Variants in AK9 observed in about 807,000 individuals in gnomAD.
AK9 encodes adenylate kinase 9.
Under a neutral mutation model 239.6 loss-of-function variants are expected in AK9, and 191 were observed. That is an observed-to-expected ratio of 0.80 (90% CI 0.71 to 0.90). AK9 has a LOEUF of 0.90. Ranked by LOEUF, AK9 falls within the 40% of genes least tolerant of loss-of-function variation. The pLI, the probability that AK9 is intolerant of heterozygous loss-of-function variation, is 0.00. For missense variants in AK9, 1,995 were observed against 2,214.7 expected (o/e 0.90, Z 1.99); for synonymous variants, 689 against 721.0 (o/e 0.96, Z 0.71).
In AK9 at chr6:109,619,119, G is replaced by T. The variant is rs749464829; in HGVS notation, c.1372C>A (p.Leu458Ile). The T allele has an allele frequency of 6.5e-7, 1 of 1,545,156 alleles. No homozygotes were observed. Among genetic ancestry groups the T allele is most frequent in the South Asian group, 1.2e-5 (1 of 82,786 alleles). Residue 458 changes from leucine to isoleucine, a missense_variant, in exon 13 of 41, where the codon CTC (leucine) becomes ATC (isoleucine). Physicochemically the swap from Leu to Ile is conservative, Grantham distance 5. Coordinates refer to ENST00000424296, the MANE Select transcript of AK9 (RefSeq NM_001145128.3). ...AAIKVVKEKL[L>I]RELQARKQAE... ...TGTTTTCTAGCTTGCAGTTCCCTGA[G>T]AAGCTTTTCTTTCACAACTTTAATT...
At chr6:109,659,769 C>T (rs936442340) in intron 6 of AK9, among the ~76,000 whole-genome samples, 2 of 151,946 alleles carry the variant, frequency 1.3e-5, no homozygotes, top group Admixed American at 6.6e-5. Context: ...GAAAAGTTTA[C>T]GAATGGAGCA....
At chr6:109,605,538 T>G (rs1792734154) in intron 17 of AK9, among the ~76,000 whole-genome samples, 1 of 152,174 alleles carries the variant, frequency 6.6e-6, no homozygotes. Flanking sequence ...GATGTCTTTC[T>G]GATTTCAATT....
chr6:109,605,104 C>G (rs1433930000), intron 17 of AK9, among the ~76,000 whole-genome samples: 6 of 152,018 alleles, frequency 3.9e-5, no homozygotes, highest in Admixed American at 2.6e-4. Flanking sequence ...TATTATGTTT[C>G]AAGGCATTGT....
intron 35 of AK9, among the ~76,000 whole-genome samples, chr6:109,499,932 G>T (rs1410411498): frequency 6.6e-6 from 1 of 151,814 alleles, no homozygotes; most frequent in Non-Finnish European, 1.5e-5. Context: ...TCGATGCATA[G>T]TATTCCACTG....
At chr6:109,573,708 G>A (rs1004828445) in intron 20 of AK9, 114 bp from the exon 21 acceptor site, 1 of 1,002,522 alleles carries the variant, frequency 1.0e-6, no homozygotes, top group Admixed American at 2.9e-5. Context: ...TGCCCTCCTA[G>A]AGTATGTAGT....
intron 19 of AK9, among the ~76,000 whole-genome samples, chr6:109,580,183 G>GA (rs375072619): frequency 2.8e-4 from 43 of 151,746 alleles, no homozygotes; most frequent in African/African-American, 9.7e-4. Flanking sequence ...TTTCTAATAA[G>GA]AAAAAAACCC....
At chr6:109,662,511 G>A in intron 6 of AK9, 40 bp downstream of exon 6, 1 of 1,376,008 alleles carries the variant, frequency 7.3e-7, no homozygotes, top group Non-Finnish European at 9.6e-7. Context: ...CTATCAAAAA[G>A]AATGGTTTAC....
chr6:109,646,996 A>G (rs1798150988), intron 8 of AK9, among the ~76,000 whole-genome samples: 1 of 152,250 alleles, frequency 6.6e-6, no homozygotes, highest in Non-Finnish European at 1.5e-5. Flanking sequence ...ACTAAGCTTC[A>G]TAACTGAAGG....
intron 32 of AK9, among the ~76,000 whole-genome samples, chr6:109,512,894 C>T (rs1778899298): frequency 6.6e-6 from 1 of 152,208 alleles, no homozygotes. Context: ...GACAGGCTCT[C>T]ACTCTGTTGC....
At chr6:109,536,253 T>C (rs1349515681) in intron 27 of AK9, among the ~76,000 whole-genome samples, 1 of 152,216 alleles carries the variant, frequency 6.6e-6, no homozygotes, top group Non-Finnish European at 1.5e-5. Context: ...GGAATGTTCT[T>C]CCATTTGTTT....
chr6:109,627,601 T>C (rs1795693895), intron 12 of AK9, among the ~76,000 whole-genome samples: 1 of 152,198 alleles, frequency 6.6e-6, no homozygotes, highest in African/African-American at 2.4e-5. Context: ...TATAATCTTA[T>C]GGGACCACTG....
At chr6:109,627,252 C>T (rs1180113360) in intron 12 of AK9, among the ~76,000 whole-genome samples, 1 of 148,238 alleles carries the variant, frequency 6.7e-6, no homozygotes, top group Non-Finnish European at 1.5e-5. Flanking sequence ...CAAGAACATG[C>T]ATGGAGCTGT....
intron 33 of AK9, among the ~76,000 whole-genome samples, chr6:109,507,271 G>A (rs10457192): frequency 0.35 from 52,510 of 151,930 alleles, 9,544 homozygotes; most frequent in South Asian, 0.44. Context: ...GGTATGTAAA[G>A]CAACTAGAGT....
At chr6:109,654,710 T>C (rs1799446857) in intron 8 of AK9, among the ~76,000 whole-genome samples, 1 of 152,224 alleles carries the variant, frequency 6.6e-6, no homozygotes, top group Non-Finnish European at 1.5e-5. Flanking sequence ...ATCAACACTC[T>C]TAAGGAAATG....
At chr6:109,621,072 G>A (rs1270090551) in intron 12 of AK9, among the ~76,000 whole-genome samples, 1 of 150,346 alleles carries the variant, frequency 6.7e-6, no homozygotes, top group Non-Finnish European at 1.5e-5. Flanking sequence ...CCATCAAAAA[G>A]TGGGTGAAGG....
At position 109,672,621 on chromosome 6, in the gene AK9, G is replaced by C. The variant is rs116410578; in HGVS notation, c.182-454C>G. On this transcript the variant is annotated intron_variant, in intron 3 of 40. Coordinates refer to ENST00000424296, the MANE Select transcript of AK9 (RefSeq NM_001145128.3). ...TGATCACTTGAGCCCAGGAGGTCAA[G>C]TTTGCAGAGAGCCGTGATCATGTCA... Among the ~76,000 whole-genome samples, 1,043 of 152,278 alleles carry C rather than the reference G, an allele frequency of 6.8e-3. 13 individuals are homozygous for C. The highest frequency in any genetic ancestry group is 0.024 in the African/African-American group (1,009 of 41,548).
intron 25 of AK9, 138 bp from the exon 26 acceptor site, chr6:109,546,265 A>T: frequency 1.4e-6 from 1 of 726,612 alleles, no homozygotes; most frequent in Non-Finnish European, 2.1e-6. Context: ...CATGAACTCA[A>T]GGATGCTTAG....
At chr6:109,563,822 A>G in intron 23 of AK9, 110 bp from the exon 24 acceptor site, 4 of 1,299,828 alleles carry the variant, frequency 3.1e-6, no homozygotes, top group Non-Finnish European at 4.1e-6. Context: ...TTAGTCTCTT[A>G]GATTAAATAT....
At chr6:109,567,731 T>G (rs1786770364) in intron 21 of AK9, among the ~76,000 whole-genome samples, 4 of 85,712 alleles carry the variant, frequency 4.7e-5, no homozygotes, top group South Asian at 4.5e-4. Context: ...TGGGGCCTGT[T>G]GTGGGGTGGG....
Sources: allele counts gnomAD v4.1 joint callset (sites outside exome capture counted in the v4.1 genomes callset), GRCh38; gene constraint gnomAD v4.1.1; transcripts MANE v1.5; gene names NCBI Gene and HGNC (gene_info 2026-07-23, HGNC 2026-07-21).